DOP1A: variants seen among roughly 807,000 people sequenced by gnomAD.
DOP1A encodes DOP1 leucine zipper like protein A, also known as protein DOP1A.
In DOP1A, 90 loss-of-function variants were observed where a neutral mutation model predicts 267.6. The ratio of observed to expected loss-of-function variants is 0.34; its 90% CI spans 0.28 to 0.40. DOP1A has a LOEUF of 0.40. Ranked by LOEUF, DOP1A falls within the 10% of genes least tolerant of loss-of-function variation. The pLI is 1.00. For missense variants in DOP1A, 2,437 were observed against 2,900.4 expected, an observed-to-expected ratio of 0.84 and a Z score of 3.67; for synonymous variants, 932 against 999.1, an observed-to-expected ratio of 0.93 and a Z score of 1.27.
At position 83,094,766 on chromosome 6, in the gene DOP1A, T is replaced by C. The variant is rs557847506; in HGVS notation, c.-146-1965T>C. Among the ~76,000 whole-genome samples, 47 of 152,314 alleles carry C rather than the reference T, an allele frequency of 3.1e-4. No homozygotes were observed. The South Asian group carries it at 9.3e-3, about 30-fold the overall frequency. ...ATTGGCTTGGAAGAGTTTTTTATTATCTAGTTTAAGTCTCATCAGATATAT... is the reference window on the plus strand; with the variant it reads ...ATTGGCTTGGAAGAGTTTTTTATTACCTAGTTTAAGTCTCATCAGATATAT... On this transcript the variant is annotated intron_variant, in intron 1 of 38. Transcript: ENST00000349129.
Position 83,138,816 on chromosome 6 carries a change from C to G in DOP1A, c.4774C>G (p.Leu1592Val). 6.2e-7 allele frequency: 1 copy of G among 1,613,984 alleles called. No homozygotes were observed. Among genetic ancestry groups the G allele is most frequent in the Non-Finnish European group, 8.5e-7 (1 of 1,179,934 alleles). ...LLKVLQRLIVLEHRVMTIPEE... is the reference protein window; with the variant it reads ...LLKVLQRLIVVEHRVMTIPEE... ...TAAGGTGCTTCAGAGGCTGATTGTTCTAGAACACAGAGTAATGACTATTCC... is the reference window on the plus strand; with the variant it reads ...TAAGGTGCTTCAGAGGCTGATTGTTGTAGAACACAGAGTAATGACTATTCC... The change falls in exon 21 of 39, where the codon CTA (leucine) becomes GTA (valine). Residue 1592 changes from leucine to valine, a missense_variant. Coordinates refer to ENST00000349129, the MANE Select transcript of DOP1A (RefSeq NM_015018.4).
chr6:83,107,918 TAC>T (rs1303525167), intron 4 of DOP1A, among the ~76,000 whole-genome samples: 15 of 152,304 alleles, frequency 9.8e-5, no homozygotes, highest in South Asian at 2.1e-4. Flanking sequence ...CAGTGGATTG[TAC>T]AGAGATATGT....
At chr6:83,155,629 G>A (rs1370063398) in intron 33 of DOP1A, among the ~76,000 whole-genome samples, 1 of 152,176 alleles carries the variant, frequency 6.6e-6, no homozygotes, top group Admixed American at 6.6e-5. Flanking sequence ...TATTTTTAAA[G>A]TAACGAGAAG....
chr6:83,067,847 C>G (rs1007147835), intron 1 of DOP1A, 68 bp downstream of exon 1: 4 of 152,226 alleles, frequency 2.6e-5, no homozygotes, highest in Admixed American at 6.5e-5. Flanking sequence ...CTTCTCGGCC[C>G]GGCTAGGTCC....
At chr6:83,134,602 A>G in intron 19 of DOP1A, 1 of 201,102 alleles carries the variant, frequency 5.0e-6, no homozygotes. Flanking sequence ...ATTTAGTGAA[A>G]CTGCATATAG....
At chr6:83,107,073 A>G (rs1327144142) in intron 4 of DOP1A, among the ~76,000 whole-genome samples, 2 of 152,068 alleles carry the variant, frequency 1.3e-5, no homozygotes, top group Non-Finnish European at 1.5e-5. Context: ...TCATAAAAAT[A>G]TATATATATT....
chr6:83,083,247 C>T (rs998727397), intron 1 of DOP1A, among the ~76,000 whole-genome samples: 1 of 151,952 alleles, frequency 6.6e-6, no homozygotes, highest in Non-Finnish European at 1.5e-5. Context: ...GCTTTGGTCC[C>T]TGTGCTTCAT....
chr6:83,147,155 T>C (rs2128305705), intron 25 of DOP1A, 81 bp from the exon 26 acceptor site: 2 of 582,390 alleles, frequency 3.4e-6, no homozygotes, highest in East Asian at 6.0e-5. Flanking sequence ...AAATTGGCAG[T>C]AAGATACAGA....
intron 17 of DOP1A, 125 bp downstream of exon 17, chr6:83,130,522 C>G (rs140035490): frequency 1.7e-6 from 2 of 1,176,046 alleles, no homozygotes; most frequent in African/African-American, 3.1e-5. Context: ...TCTTAATAGG[C>G]CATACCATGT....
At chr6:83,166,730 T>C in intron 38 of DOP1A, 2 of 1,173,804 alleles carry the variant, frequency 1.7e-6, no homozygotes, top group Non-Finnish European at 2.1e-6. Context: ...GCAATAAGCT[T>C]GAGAGCACAT....
chr6:83,083,801 C>T (rs928229320), intron 1 of DOP1A, among the ~76,000 whole-genome samples: 4 of 152,158 alleles, frequency 2.6e-5, no homozygotes, highest in Admixed American at 6.6e-5. Context: ...CCATTTGAAG[C>T]TTAAAGTAGA....
chr6:83,116,160 A>G (rs1775399107), intron 7 of DOP1A, among the ~76,000 whole-genome samples: 1 of 152,244 alleles, frequency 6.6e-6, no homozygotes, highest in African/African-American at 2.4e-5. Context: ...AAAATTACAT[A>G]TTCTTTGATA....
intron 1 of DOP1A, among the ~76,000 whole-genome samples, chr6:83,076,328 C>G (rs1281813225): frequency 6.6e-6 from 1 of 152,084 alleles, no homozygotes; most frequent in Non-Finnish European, 1.5e-5. Flanking sequence ...TTGAGACCAT[C>G]CTGGCCAACA....
chr6:83,069,186 T>G (rs1191685254), intron 1 of DOP1A, among the ~76,000 whole-genome samples: 1 of 152,186 alleles, frequency 6.6e-6, no homozygotes, highest in Non-Finnish European at 1.5e-5. Flanking sequence ...TGTCATTGTT[T>G]AAGGAAATTT....
intron 5 of DOP1A, among the ~76,000 whole-genome samples, chr6:83,109,478 T>C (rs901646711): frequency 6.6e-6 from 1 of 152,192 alleles, no homozygotes; most frequent in Non-Finnish European, 1.5e-5. Flanking sequence ...AAGAAAATTG[T>C]GACCCATAAT....
intron 38 of DOP1A, among the ~76,000 whole-genome samples, chr6:83,163,742 C>T (rs1784778387): frequency 6.6e-6 from 1 of 152,086 alleles, no homozygotes; most frequent in Non-Finnish European, 1.5e-5. Context: ...AAGACCCCCA[C>T]AACCTGCAGT....
Position 83,137,256 on chromosome 6 carries a change from G to A in DOP1A, c.3214G>A (p.Val1072Met), listed in dbSNP as rs752599589. ...MDEIENFSLT[V>M]NPLSDRLSLL... ...TGAAATAGAGAACTTTAGTCTCACT[G>A]TGAATCCATTAAGTGACAGACTTTC... The change falls in exon 21 of 39, where the codon GTG (valine) becomes ATG (methionine). Residue 1072 changes from valine (V) to methionine (M), a missense_variant. By Grantham distance (21) the Val-to-Met change is conservative. This residue lies in a region of DOP1A where 878 missense variants were observed against 992.9 expected (regional missense o/e 0.88). Transcript: ENST00000349129. The A allele has an allele frequency of 2.0e-5, 32 of 1,613,228 alleles. No individual in the cohort carries two copies. Among genetic ancestry groups the A allele is most frequent in the Non-Finnish European group, 2.5e-5 (30 of 1,179,496 alleles).
intron 1 of DOP1A, among the ~76,000 whole-genome samples, chr6:83,095,843 A>G (rs746658776): frequency 2.0e-5 from 3 of 152,170 alleles, no homozygotes; most frequent in African/African-American, 7.2e-5. Flanking sequence ...ACATGGCTGT[A>G]TAGAAAGCTT....
At chr6:83,093,703 C>T (rs542823948) in intron 1 of DOP1A, among the ~76,000 whole-genome samples, 5 of 152,242 alleles carry the variant, frequency 3.3e-5, no homozygotes, top group South Asian at 2.1e-4. Context: ...GTCAGGAGTT[C>T]GAGACCAGCC....
Sources: allele counts gnomAD v4.1 joint callset (sites outside exome capture counted in the v4.1 genomes callset), GRCh38; gene constraint gnomAD v4.1.1; regional missense constraint gnomAD v4.1.1; transcripts MANE v1.5; gene names NCBI Gene and HGNC (gene_info 2026-07-23, HGNC 2026-07-21).